Variants in NEGR1 observed in about 807,000 individuals in gnomAD.
The protein encoded by NEGR1 is neuronal growth regulator 1, also known as IgLON family member 4.
NEGR1 carries 10 observed loss-of-function variants against 40.9 expected under a neutral mutation model. The observed-to-expected ratio is 0.24, with a 90% CI of 0.15 to 0.42. The LOEUF is 0.42. Among genes scored for constraint, NEGR1 ranks in the 10% least tolerant of loss-of-function variants. The pLI, the probability that NEGR1 is intolerant of heterozygous loss-of-function variation, is 1.00. For synonymous variants in NEGR1, 185 were observed against 166.8 expected (o/e 1.11, Z -0.84); for missense variants, 352 against 438.9 (o/e 0.80, Z 1.77).
chr1:71,824,982 T>C (rs1453515170), intron 2 of NEGR1, among the ~76,000 whole-genome samples: 1 of 151,938 alleles, frequency 6.6e-6, no homozygotes, highest in Non-Finnish European at 1.5e-5. Flanking sequence ...CAAGTTTTTG[T>C]GGATATGTTT....
At chr1:71,741,359 C>T (rs1655207680) in intron 3 of NEGR1, among the ~76,000 whole-genome samples, 1 of 152,204 alleles carries the variant, frequency 6.6e-6, no homozygotes, top group Non-Finnish European at 1.5e-5. Context: ...TATCTGCCAT[C>T]TTTTGCCAAT....
chr1:71,489,761 A>G (rs576674606), intron 6 of NEGR1: 2 of 151,872 alleles, frequency 1.3e-5, no homozygotes, highest in East Asian at 1.9e-4. Context: ...CCTGGAGTAT[A>G]TCCTGGAAGT....
intron 3 of NEGR1, among the ~76,000 whole-genome samples, chr1:71,711,028 A>T (rs1654063426): frequency 6.6e-6 from 1 of 152,066 alleles, no homozygotes; most frequent in Non-Finnish European, 1.5e-5. Context: ...TTACCCACAA[A>T]AAAAGTTAAA....
intron 2 of NEGR1, among the ~76,000 whole-genome samples, chr1:71,883,905 CATT>C (rs941385477): frequency 6.6e-5 from 10 of 152,016 alleles, no homozygotes; most frequent in East Asian, 1.9e-4. Context: ...CACCAATTGT[CATT>C]GTTGTTAGAA....
At chr1:71,491,537 G>T (rs535250082) in intron 6 of NEGR1, among the ~76,000 whole-genome samples, 1 of 151,054 alleles carries the variant, frequency 6.6e-6, no homozygotes, top group African/African-American at 2.4e-5. Context: ...GGCAAGAAAA[G>T]ACACATTTTG....
intron 6 of NEGR1, among the ~76,000 whole-genome samples, chr1:71,535,028 A>C (rs765149477): frequency 2.6e-5 from 4 of 151,694 alleles, no homozygotes; most frequent in Non-Finnish European, 4.4e-5. Context: ...ACTTCAAAAT[A>C]ATTAAAATTT....
intron 1 of NEGR1, among the ~76,000 whole-genome samples, chr1:72,199,425 A>C (rs1206544585): frequency 1.3e-5 from 2 of 152,054 alleles, no homozygotes. Flanking sequence ...TTAAAAGAGC[A>C]CAAAGCTAAT....
intron 3 of NEGR1, among the ~76,000 whole-genome samples, chr1:71,766,067 G>A (rs936591640): frequency 1.3e-5 from 2 of 151,924 alleles, no homozygotes; most frequent in South Asian, 2.1e-4. Flanking sequence ...CCAGCTACTC[G>A]GGAGGCTGAG....
chr1:71,839,894 A>G (rs1659176524), intron 2 of NEGR1, among the ~76,000 whole-genome samples: 2 of 152,280 alleles, frequency 1.3e-5, no homozygotes, highest in Admixed American at 6.5e-5. Flanking sequence ...CTCGAGTTAC[A>G]TAATTACAGC....
intron 2 of NEGR1, among the ~76,000 whole-genome samples, chr1:71,827,862 C>A (rs1204310007): frequency 6.6e-6 from 1 of 151,156 alleles, no homozygotes; most frequent in Non-Finnish European, 1.5e-5. Flanking sequence ...AAATACAAAT[C>A]CTATGTCAAT....
chr1:71,969,767 C>A (rs137975805), intron 1 of NEGR1, among the ~76,000 whole-genome samples: 2 of 152,178 alleles, frequency 1.3e-5, no homozygotes, highest in Non-Finnish European at 2.9e-5. Context: ...TGTGTTTCCT[C>A]CTTGAGAAGC....
chr1:71,703,830 T>C (rs964663769), intron 3 of NEGR1, among the ~76,000 whole-genome samples: 3 of 151,836 alleles, frequency 2.0e-5, no homozygotes, highest in Non-Finnish European at 4.4e-5. Flanking sequence ...TAAAATATTG[T>C]CATATATAAA....
At chr1:71,596,194 T>C (rs1649707400) in intron 5 of NEGR1, among the ~76,000 whole-genome samples, 1 of 152,188 alleles carries the variant, frequency 6.6e-6, no homozygotes, top group Non-Finnish European at 1.5e-5. Flanking sequence ...ATAGGGAATA[T>C]AGTTATAAGA....
intron 1 of NEGR1, among the ~76,000 whole-genome samples, chr1:72,090,910 T>A (rs141657656): frequency 6.6e-6 from 1 of 152,316 alleles, no homozygotes; most frequent in African/African-American, 2.4e-5. Context: ...TAAAATACCA[T>A]AATGTCTCCG....
At chr1:72,033,525 T>C (rs1646876924) in intron 1 of NEGR1, among the ~76,000 whole-genome samples, 1 of 152,202 alleles carries the variant, frequency 6.6e-6, no homozygotes, top group Admixed American at 6.5e-5. Flanking sequence ...CATTAATCAT[T>C]GGCTTTCACA....
At chr1:72,026,523 C>T (rs917929593) in intron 1 of NEGR1, among the ~76,000 whole-genome samples, 3 of 148,926 alleles carry the variant, frequency 2.0e-5, no homozygotes, top group African/African-American at 7.6e-5. Flanking sequence ...GCACGGTTCA[C>T]AATGACATTC....
intron 3 of NEGR1, among the ~76,000 whole-genome samples, chr1:71,700,627 T>C (rs1339326461): frequency 2.0e-5 from 3 of 151,980 alleles, no homozygotes; most frequent in Admixed American, 2.0e-4. Context: ...ATTGCTGCCA[T>C]AAGAAAATAC....
chr1:71,489,264 G>A (rs1311519464), intron 6 of NEGR1, among the ~76,000 whole-genome samples: 2 of 151,684 alleles, frequency 1.3e-5, no homozygotes, highest in African/African-American at 2.4e-5. Context: ...GTAGATTGGA[G>A]GTTATTTATT....
intron 1 of NEGR1, among the ~76,000 whole-genome samples, chr1:72,181,770 G>A (rs1274848090): frequency 1.3e-5 from 2 of 152,070 alleles, no homozygotes; most frequent in African/African-American, 4.8e-5. Context: ...ATTATGCTAA[G>A]GGAAATAAGC....
Sources: gnomAD v4.1 joint callset for allele counts (sites outside exome capture counted in the v4.1 genomes callset) on GRCh38, gnomAD v4.1.1 for gene constraint, MANE v1.5 for transcripts, NCBI Gene and HGNC (gene_info 2026-07-23, HGNC 2026-07-21) for gene names.